The following TUSC3 variants were observed in gnomAD, a reference collection of about 807,000 sequenced individuals.
TUSC3 encodes the protein dolichyl-diphosphooligosaccharide--protein glycosyltransferase subunit TUSC3.
In TUSC3, 45 loss-of-function variants were observed where a neutral mutation model predicts 44.8. That is an observed-to-expected ratio of 1.00 (90% CI 0.79 to 1.29). The LOEUF is 1.29. Ranked by LOEUF, TUSC3 falls within the 50% of genes most tolerant of loss-of-function variation. The probability of loss-of-function intolerance (pLI) is 0.00; values close to 1 mark genes in which losing one functional copy is unlikely to be tolerated. For missense variants in TUSC3, 519 were observed against 437.9 expected, an observed-to-expected ratio of 1.19 and a Z score of -1.65; for synonymous variants, 212 against 152.9, an observed-to-expected ratio of 1.39 and a Z score of -2.85.
chr8:15,736,611 C>T (rs1003087241), intron 7 of TUSC3, among the ~76,000 whole-genome samples: 1 of 152,054 alleles, frequency 6.6e-6, no homozygotes, highest in East Asian at 1.9e-4. Flanking sequence ...CACAATAAAA[C>T]AGACATGTAA....
chr8:15,489,151 G>A (rs1800773645), intron 2 of TUSC3, among the ~76,000 whole-genome samples: 1 of 152,236 alleles, frequency 6.6e-6, no homozygotes, highest in African/African-American at 2.4e-5. Context: ...TAGAGGGACA[G>A]AAGCTCCAGG....
chr8:15,745,015 C>T (rs1281281027), intron 8 of TUSC3, among the ~76,000 whole-genome samples: 1 of 152,094 alleles, frequency 6.6e-6, no homozygotes. Context: ...ATGTTTAGCT[C>T]CCACTTACAA....
intron 1 of TUSC3, among the ~76,000 whole-genome samples, chr8:15,480,143 C>G (rs930598913): frequency 1.3e-5 from 2 of 152,120 alleles, no homozygotes; most frequent in African/African-American, 2.4e-5. Context: ...AGGACCTATT[C>G]AAGGAGAACT....
At chr8:15,646,377 T>G (rs796617018) in intron 2 of TUSC3, among the ~76,000 whole-genome samples, 23 of 152,238 alleles carry the variant, frequency 1.5e-4, no homozygotes, top group African/African-American at 5.3e-4. Context: ...CTTCATTATG[T>G]ACGTAGTGGG....
intron 1 of TUSC3, among the ~76,000 whole-genome samples, chr8:15,609,640 A>C (rs1371553495): frequency 6.6e-6 from 1 of 152,140 alleles, no homozygotes; most frequent in Non-Finnish European, 1.5e-5. Context: ...TCATATTTTG[A>C]GTCTTCAGAG....
upstream of TUSC3, among the ~76,000 whole-genome samples, chr8:15,539,559 G>A (rs1165577494): frequency 1.3e-5 from 2 of 151,756 alleles, no homozygotes; most frequent in Non-Finnish European, 2.9e-5. Context: ...CCATGTTACG[G>A]CAGGCTGGTC....
At chr8:15,432,747 C>T (rs1356915186) in intron 1 of TUSC3, among the ~76,000 whole-genome samples, 2 of 151,986 alleles carry the variant, frequency 1.3e-5, no homozygotes, top group African/African-American at 2.4e-5. Flanking sequence ...CCCCTCACCC[C>T]GCCCCCACAC....
In TUSC3 at chr8:15,764,362, A is replaced by C; in HGVS notation, c.*206A>C. ...TTTTAAACTGTGGGTTTTCCTAGTAAATTTAATTTACAGAAATCAATGGTA... is the reference window on the plus strand; with the variant it reads ...TTTTAAACTGTGGGTTTTCCTAGTACATTTAATTTACAGAAATCAATGGTA... On this transcript the variant is annotated 3_prime_UTR_variant, in exon 11 of 11. Transcript: ENST00000503731. 1.2e-6 allele frequency: 1 copy of C among 814,542 alleles called. No individual in the cohort carries two copies. The highest frequency in any genetic ancestry group is 1.7e-5 in the South Asian group (1 of 59,688). 50.5% of individuals were successfully genotyped at this position (814,542 alleles called of 1,614,324 possible). A position where few individuals can be genotyped will look rare whatever the true frequency, so the allele number is the denominator to read the frequency against.
chr8:15,508,822 C>G (rs1048768600), intron 2 of TUSC3, among the ~76,000 whole-genome samples: 4 of 152,106 alleles, frequency 2.6e-5, no homozygotes, highest in African/African-American at 9.7e-5. Context: ...TAACAAAAAC[C>G]AAAGTGTATT....
At chr8:15,612,330 A>G (rs146147332) in intron 1 of TUSC3, among the ~76,000 whole-genome samples, 127 of 152,298 alleles carry the variant, frequency 8.3e-4, no homozygotes, top group African/African-American at 2.9e-3. Flanking sequence ...TCCTAGGGAT[A>G]AAATGTTGAA....
chr8:15,450,595 G>T (rs368002487), intron 1 of TUSC3, among the ~76,000 whole-genome samples: 1 of 152,070 alleles, frequency 6.6e-6, no homozygotes, highest in South Asian at 2.1e-4. Flanking sequence ...GCTTGAACCC[G>T]GGCGGCAGAG....
At chr8:15,811,285 T>A in the TUSC3 span, among the ~76,000 whole-genome samples, 1 of 152,250 alleles carries the variant, frequency 6.6e-6, no homozygotes, top group Non-Finnish European at 1.5e-5. Context: ...GGTTTAGGGG[T>A]AGCAGTCGCT....
At chr8:15,776,286 C>T in the TUSC3 span, among the ~76,000 whole-genome samples, 3 of 152,040 alleles carry the variant, frequency 2.0e-5, no homozygotes, top group African/African-American at 7.2e-5. Flanking sequence ...CCTGTGGCCT[C>T]TCAAGGAAGA....
Position 15,704,802 on chromosome 8 carries a change from T to G in TUSC3, c.799-25864T>G, listed in dbSNP as rs1477206. Among the ~76,000 whole-genome samples, 505 of 152,144 alleles carry G rather than the reference T, an allele frequency of 3.3e-3. 8 individuals are homozygous for G. In the East Asian group the frequency reaches 0.034, roughly 10 times the overall value. ...ATATTGACCCTGACGAGTTTTGGAA[T>G]AGGAAGGATCGTTACTTCTTACGTT... is the stretch of plus-strand genomic sequence containing the variant. On this transcript the variant is annotated intron_variant, in intron 6 of 10. Coordinates refer to ENST00000503731, the MANE Select transcript of TUSC3 (RefSeq NM_006765.4).
At position 15,523,639 on chromosome 8, in the gene TUSC3, C is replaced by CATATATATATATATATATAT. The variant is rs151223991; in HGVS notation, n.189+40163_189+40182dup. Among the ~76,000 whole-genome samples the CATATATATATATATATATAT allele has an allele frequency of 1.4e-4, 9 of 63,698 alleles. No homozygotes were observed. In the South Asian group the frequency reaches 1.8e-3, roughly 12 times the overall value. The allele number at this position is 63,698 out of a possible 152,430, so 41.8% of individuals were successfully genotyped here. The stretch of plus-strand genomic sequence containing the variant: ...AATTGGCTTAAAAATCCTTTAAAAA[C>CATATATATATATATATATAT]ATATATATATATATATATATATATA... On this transcript the variant is annotated intron_variant and non_coding_transcript_variant, in intron 2 of 5. Coordinates refer to the TUSC3 transcript ENST00000503191.
intron 9 of TUSC3, among the ~76,000 whole-genome samples, chr8:15,750,249 G>T (rs945840340): frequency 3.9e-5 from 6 of 152,026 alleles, no homozygotes; most frequent in Non-Finnish European, 7.4e-5. Context: ...AAAGTGCTGG[G>T]ATTACAGGCG....
At position 15,730,655 on chromosome 8, in the gene TUSC3, T is replaced by G; in HGVS notation, c.799-11T>G. On this transcript the variant is annotated splice_polypyrimidine_tract_variant and intron_variant, in intron 6 of 10. Transcript: ENST00000503731. ...TCTCAGACTGTAATTTCTGTTTGTC[T>G]TCTTTTATAGAGCTACATTCATGGG... The G allele has an allele frequency of 2.5e-6, 4 of 1,612,680 alleles. No individual in the cohort carries two copies. In the South Asian group the frequency reaches 3.3e-5, roughly 13 times the overall value.
intron 1 of TUSC3, among the ~76,000 whole-genome samples, chr8:15,546,278 TG>T (rs1801860905): frequency 6.6e-6 from 1 of 151,838 alleles, no homozygotes; most frequent in African/African-American, 2.4e-5. Flanking sequence ...TTCTCATTGC[TG>T]TTTTATGGAA....
chr8:15,682,383 T>C lies in TUSC3; in HGVS notation c.798+8547T>C, dbSNP rs915577115. Among the ~76,000 whole-genome samples, 2 of 152,198 alleles carry C rather than the reference T, an allele frequency of 1.3e-5. 1 individual carries two copies. Among genetic ancestry groups the C allele is most frequent in the Admixed American group, 1.3e-4 (2 of 15,280 alleles). On this transcript the variant is annotated intron_variant, in intron 6 of 10. Coordinates refer to ENST00000503731, the MANE Select transcript of TUSC3 (RefSeq NM_006765.4). ...CATATATATTTAAGATACTTAAGTC[T>C]TCTGGATGAATCGAACTCTTTATCA... is the stretch of plus-strand genomic sequence containing the variant.
Sources: gnomAD v4.1 joint callset for allele counts (sites outside exome capture counted in the v4.1 genomes callset) on GRCh38, gnomAD v4.1.1 for gene constraint, MANE v1.5 for transcripts, NCBI Gene and HGNC (gene_info 2026-07-23, HGNC 2026-07-21) for gene names.